Variants in PDE8B observed in about 807,000 individuals in gnomAD.
PDE8B encodes phosphodiesterase 8B.
Under a neutral mutation model 101.3 loss-of-function variants are expected in PDE8B, and 26 were observed. The observed-to-expected ratio is 0.26, with a 90% CI of 0.19 to 0.36. The LOEUF is 0.36. PDE8B is among the 10% of genes least tolerant of loss of function. The pLI is 1.00. For synonymous variants in PDE8B, 424 were observed against 429.3 expected (o/e 0.99, Z 0.15); for missense variants, 810 against 1,163.1 (o/e 0.70, Z 4.42).
the PDE8B span, among the ~76,000 whole-genome samples, chr5:77,199,125 C>T: frequency 4.6e-5 from 7 of 152,152 alleles, no homozygotes; most frequent in East Asian, 1.2e-3. Flanking sequence ...CTTGCTTCCA[C>T]CATTTCTTAA....
At chr5:77,184,920 A>T in the PDE8B span, among the ~76,000 whole-genome samples, 1 of 152,240 alleles carries the variant, frequency 6.6e-6, no homozygotes, top group Non-Finnish European at 1.5e-5. Flanking sequence ...AGGTTAGCAG[A>T]GTGCCCTGCT....
chr5:77,416,135 G>A (rs1174334256), intron 17 of PDE8B, among the ~76,000 whole-genome samples: 3 of 152,136 alleles, frequency 2.0e-5, no homozygotes, highest in Admixed American at 2.0e-4. Flanking sequence ...GGCCTTGTTG[G>A]TGCCCACCTA....
upstream of PDE8B, among the ~76,000 whole-genome samples, chr5:77,208,384 G>A (rs962961771): frequency 3.9e-5 from 6 of 152,170 alleles, no homozygotes; most frequent in East Asian, 1.9e-4. Context: ...TGACTGAAAT[G>A]CTATATGCAT....
In PDE8B at chr5:77,210,969, T is replaced by C; in HGVS notation, c.44T>C (p.Ile15Thr). The change falls in exon 1 of 22, where the codon ATC (isoleucine) becomes ACC (threonine). Residue 15 changes from isoleucine (I) to threonine (T), a missense_variant. By Grantham distance (89) the Ile-to-Thr change is moderately conservative. Transcript: ENST00000264917. This position sits in a 1 kb window ranked among gnomAD's most constrained non-coding sequence, Gnocchi z 4.9. ...ATCCATGTCTCGCAGAGCGGCGTGA[T>C]CTACTGCCGGGACTCGGACGAGTCC... ...PSIHVSQSGV[I>T]YCRDSDESSS... The C allele has an allele frequency of 1.3e-6, 2 of 1,533,590 alleles. No homozygotes were observed. The highest frequency in any genetic ancestry group is 1.2e-5 in the South Asian group (1 of 84,260). The allele number at this position is 1,533,590 out of a possible 1,614,324, so 95.0% of individuals were successfully genotyped here.
At chr5:77,310,815 G>C (rs1024562148) in intron 1 of PDE8B, among the ~76,000 whole-genome samples, 1 of 152,104 alleles carries the variant, frequency 6.6e-6, no homozygotes, top group Non-Finnish European at 1.5e-5. Context: ...GTGTTGGGGT[G>C]GGGTAGGAGA....
chr5:77,293,862 G>T (rs1255808414), intron 1 of PDE8B, among the ~76,000 whole-genome samples: 1 of 152,116 alleles, frequency 6.6e-6, no homozygotes, highest in Non-Finnish European at 1.5e-5. Flanking sequence ...TGAGGTGTCT[G>T]TTCAGATCTT....
At chr5:77,267,439 C>CA (rs1237992036) in intron 1 of PDE8B, among the ~76,000 whole-genome samples, 1,873 of 98,066 alleles carry the variant, frequency 0.019, 20 homozygotes, top group African/African-American at 0.059. Flanking sequence ...GACTCCATCT[C>CA]AAAAAAAAAA....
chr5:77,417,251 A>G (rs529903962), intron 17 of PDE8B, among the ~76,000 whole-genome samples: 1 of 152,282 alleles, frequency 6.6e-6, no homozygotes, highest in South Asian at 2.1e-4. Flanking sequence ...TCATGGCAAA[A>G]AATACATTGG....
At chr5:77,330,179 C>G (rs910076660) in intron 4 of PDE8B, among the ~76,000 whole-genome samples, 2 of 152,178 alleles carry the variant, frequency 1.3e-5, no homozygotes, top group Non-Finnish European at 2.9e-5. Context: ...CTTCTGGACA[C>G]TCTGAGATCT....
chr5:77,400,380 T>C (rs1447360902), intron 11 of PDE8B, 90 bp downstream of exon 11: 1 of 866,042 alleles, frequency 1.2e-6, no homozygotes, highest in East Asian at 2.4e-5. Flanking sequence ...TAAGTTGACA[T>C]CTACTACCCC....
chr5:77,159,385 G>GA, the PDE8B span, among the ~76,000 whole-genome samples: 1 of 152,110 alleles, frequency 6.6e-6, no homozygotes, highest in Non-Finnish European at 1.5e-5. Context: ...AAAGCAGGCA[G>GA]AAAAAACGTG....
the PDE8B span, among the ~76,000 whole-genome samples, chr5:77,094,606 T>C: frequency 6.6e-6 from 1 of 152,022 alleles, no homozygotes; most frequent in Admixed American, 6.6e-5. Context: ...ATGCCTGCCA[T>C]TTTTTTTAAA....
intron 14 of PDE8B, among the ~76,000 whole-genome samples, chr5:77,409,308 G>T (rs1223510081): frequency 6.6e-6 from 1 of 152,164 alleles, no homozygotes; most frequent in Non-Finnish European, 1.5e-5. Flanking sequence ...TCCTATGACT[G>T]CAGGGAGTCA....
chr5:77,140,775 A>G, the PDE8B span: 2 of 152,240 alleles, frequency 1.3e-5, no homozygotes, highest in African/African-American at 4.8e-5. Context: ...CCCTCTCTCC[A>G]GCAACATCCA....
At chr5:77,146,559 T>G in the PDE8B span, 1 of 205,024 alleles carries the variant, frequency 4.9e-6, no homozygotes. Context: ...TGAGGAAAAA[T>G]AACTAAACAT....
the PDE8B span, among the ~76,000 whole-genome samples, chr5:77,126,220 G>A: frequency 6.6e-6 from 1 of 152,044 alleles, no homozygotes; most frequent in African/African-American, 2.4e-5. Flanking sequence ...GGGAGGTGGA[G>A]GCTGCAGTGA....
intron 10 of PDE8B, among the ~76,000 whole-genome samples, chr5:77,386,780 A>T (rs909030854): frequency 6.6e-6 from 1 of 151,404 alleles, no homozygotes; most frequent in African/African-American, 2.4e-5. Context: ...ATTTACATTT[A>T]AAAAAGGTTA....
intron 1 of PDE8B, among the ~76,000 whole-genome samples, chr5:77,226,709 A>G (rs1431889247): frequency 6.6e-6 from 1 of 152,202 alleles, no homozygotes; most frequent in Non-Finnish European, 1.5e-5. Flanking sequence ...TAATTGTAAA[A>G]TAGTAATATA....
At chr5:77,134,797 C>T in the PDE8B span, among the ~76,000 whole-genome samples, 1 of 152,108 alleles carries the variant, frequency 6.6e-6, no homozygotes, top group South Asian at 2.1e-4. Flanking sequence ...CTATGGGTTG[C>T]GATCTCAAGA....
Sources: allele counts gnomAD v4.1 joint callset (sites outside exome capture counted in the v4.1 genomes callset), GRCh38; gene constraint gnomAD v4.1.1; non-coding constraint Gnocchi (gnomAD v3.1); transcripts MANE v1.5; gene names NCBI Gene and HGNC (gene_info 2026-07-23, HGNC 2026-07-21).